Variants in USH2A observed in about 807,000 individuals in gnomAD.
USH2A encodes usherin, also known as Usher syndrome 2A (autosomal recessive, mild).
Under a neutral mutation model 538.9 loss-of-function variants are expected in USH2A, and 443 were observed. The ratio of observed to expected loss-of-function variants is 0.82; its 90% CI spans 0.76 to 0.89. USH2A has a LOEUF of 0.89. Among genes scored for constraint, USH2A ranks in the 40% least tolerant of loss-of-function variants. The pLI is 0.00. For missense variants in USH2A, 6,633 were observed against 6,324.8 expected, an observed-to-expected ratio of 1.05 and a Z score of -1.65; for synonymous variants, 2,413 against 2,273.5, an observed-to-expected ratio of 1.06 and a Z score of -1.75.
chr1:216,132,258 C>T (rs774192224), intron 21 of USH2A, among the ~76,000 whole-genome samples: 1 of 152,060 alleles, frequency 6.6e-6, no homozygotes, highest in East Asian at 1.9e-4. Context: ...TTCACACTTT[C>T]TTATACTTAG....
chr1:215,821,670 A>G (rs917875442), intron 47 of USH2A, among the ~76,000 whole-genome samples: 2 of 151,648 alleles, frequency 1.3e-5, no homozygotes, highest in African/African-American at 4.8e-5. Flanking sequence ...GAGATCTTAC[A>G]CAAATGCCTT....
chr1:216,352,818 CTT>C (rs958053241), intron 4 of USH2A, among the ~76,000 whole-genome samples: 1 of 151,966 alleles, frequency 6.6e-6, no homozygotes, highest in Admixed American at 6.6e-5. Context: ...TATAGAAGCT[CTT>C]TTATTCTTTT....
chr1:215,712,482 T>C (rs887404046), intron 61 of USH2A, among the ~76,000 whole-genome samples: 1 of 152,228 alleles, frequency 6.6e-6, no homozygotes, highest in African/African-American at 2.4e-5. Context: ...AATTCAATGA[T>C]GAAGCTTGGG....
chr1:216,398,727 C>T (rs2039259130), intron 3 of USH2A, among the ~76,000 whole-genome samples: 1 of 152,184 alleles, frequency 6.6e-6, no homozygotes. Flanking sequence ...AGCTAACCTT[C>T]TATTCCCACT....
chr1:215,889,789 A>G lies in USH2A; in HGVS notation c.7595-735T>C, dbSNP rs537603272. Among the ~76,000 whole-genome samples the G allele has an allele frequency of 7.2e-5, 11 of 152,306 alleles. No homozygotes were observed. In the South Asian group the frequency reaches 1.2e-3, roughly 17 times the overall value. Reference sequence around the variant, plus strand: ...AAAAAGGCCCACCATATGCCTGCATAGGTGTTGTGGAACAGCAAATATTCT... The same window carrying G: ...AAAAAGGCCCACCATATGCCTGCATGGGTGTTGTGGAACAGCAAATATTCT... On this transcript the variant is annotated intron_variant, in intron 40 of 71. Transcript: ENST00000307340.
At chr1:216,283,594 T>C (rs1473803752) in intron 11 of USH2A, among the ~76,000 whole-genome samples, 1 of 152,228 alleles carries the variant, frequency 6.6e-6, no homozygotes, top group African/African-American at 2.4e-5. Flanking sequence ...AGTTTCTCAC[T>C]GAAATATTTG....
At chr1:215,798,297 C>A (rs376211845) in intron 50 of USH2A, among the ~76,000 whole-genome samples, 2 of 152,172 alleles carry the variant, frequency 1.3e-5, no homozygotes, top group Non-Finnish European at 2.9e-5. Context: ...AAAAGCCCCA[C>A]CTCCAATAAC....
intron 61 of USH2A, among the ~76,000 whole-genome samples, chr1:215,701,747 C>A (rs1333687847): frequency 1.3e-5 from 2 of 152,198 alleles, no homozygotes; most frequent in Admixed American, 1.3e-4. Flanking sequence ...ATACAGCACA[C>A]TGATGGGTCT....
At chr1:215,651,124 T>C (rs764415560) in intron 64 of USH2A, among the ~76,000 whole-genome samples, 34 of 152,194 alleles carry the variant, frequency 2.2e-4, no homozygotes, top group Non-Finnish European at 4.9e-4. Context: ...AGTGATTTTG[T>C]CAGCTTCTGC....
At chr1:216,330,266 G>T (rs2037832360) in intron 4 of USH2A, among the ~76,000 whole-genome samples, 1 of 152,098 alleles carries the variant, frequency 6.6e-6, no homozygotes, top group Non-Finnish European at 1.5e-5. Flanking sequence ...TATGGAGCTT[G>T]CATTCACGTA....
chr1:215,836,528 A>AT (rs1553267752), intron 47 of USH2A, among the ~76,000 whole-genome samples: 2 of 22,880 alleles, frequency 8.7e-5, no homozygotes, highest in African/African-American at 1.6e-4. Context: ...AATATATATT[A>AT]TATATATATA....
Position 216,229,321 on chromosome 1 carries a change from C to CT in USH2A, c.2993+2631dup, listed in dbSNP as rs144514099. Among the ~76,000 whole-genome samples, 90 of 148,718 alleles carry CT rather than the reference C, an allele frequency of 6.1e-4. 1 individual carries two copies. The highest frequency in any genetic ancestry group is 4.0e-3 in the South Asian group (19 of 4,702). ...GTCTGCTTTCTCTCTCTCTTTTTTG[C>CT]TTTTTTTTTTCTGAGACAGGGTCTC... On this transcript the variant is annotated intron_variant, in intron 14 of 71. Transcript: ENST00000307340.
intron 13 of USH2A, among the ~76,000 whole-genome samples, chr1:216,236,414 TTTCCCC>T (rs2035818049): frequency 6.6e-6 from 1 of 152,196 alleles, no homozygotes; most frequent in Non-Finnish European, 1.5e-5. Flanking sequence ...TGTGAGTCAG[TTTCCCC>T]TACTAAATCA....
intron 38 of USH2A, among the ~76,000 whole-genome samples, chr1:215,910,105 C>G (rs1665740035): frequency 6.6e-6 from 1 of 151,926 alleles, no homozygotes; most frequent in Admixed American, 6.6e-5. Flanking sequence ...TGGCCATTTA[C>G]CATTTCTTAA....
intron 35 of USH2A, among the ~76,000 whole-genome samples, chr1:215,976,509 T>C (rs1177514762): frequency 6.6e-6 from 1 of 152,172 alleles, no homozygotes; most frequent in Non-Finnish European, 1.5e-5. Context: ...TGTTGAGGGC[T>C]TTTATCATGA....
At chr1:216,009,621 G>A (rs918687249) in intron 32 of USH2A, among the ~76,000 whole-genome samples, 14 of 151,888 alleles carry the variant, frequency 9.2e-5, no homozygotes, top group African/African-American at 2.9e-4. Context: ...GCGTCCAAGC[G>A]TGGCTGAGTC....
chr1:216,396,932 C>T (rs2039223331), intron 3 of USH2A, among the ~76,000 whole-genome samples: 1 of 152,198 alleles, frequency 6.6e-6, no homozygotes, highest in African/African-American at 2.4e-5. Flanking sequence ...ATTTCTCTTC[C>T]CCCTGAAGTA....
chr1:216,197,402 T>C (rs1008030951), intron 18 of USH2A, among the ~76,000 whole-genome samples: 4 of 152,150 alleles, frequency 2.6e-5, no homozygotes, highest in Non-Finnish European at 4.4e-5. Flanking sequence ...AGTATTGCAG[T>C]TTCACCCATT....
At chr1:216,093,947 A>AG (rs1220969290) in intron 22 of USH2A, among the ~76,000 whole-genome samples, 2 of 152,224 alleles carry the variant, frequency 1.3e-5, no homozygotes, top group Non-Finnish European at 2.9e-5. Flanking sequence ...CATCTAAAGC[A>AG]GGGATGAAAA....
Sources: allele counts gnomAD v4.1 joint callset (sites outside exome capture counted in the v4.1 genomes callset), GRCh38; gene constraint gnomAD v4.1.1; transcripts MANE v1.5; gene names NCBI Gene and HGNC (gene_info 2026-07-23, HGNC 2026-07-21).